The following MCM3AP variants were observed in gnomAD, a reference collection of about 807,000 sequenced individuals.
The protein encoded by MCM3AP is minichromosome maintenance complex component 3 associated protein.
A neutral mutation model predicts 184.1 loss-of-function variants in MCM3AP; 126 were observed. The ratio of observed to expected loss-of-function variants is 0.68; its 90% CI spans 0.59 to 0.79. The LOEUF (loss-of-function observed/expected upper bound fraction) is 0.79, where lower values mean the gene tolerates loss of function less well. Ranked by LOEUF, MCM3AP falls within the 30% of genes least tolerant of loss-of-function variation. The probability of loss-of-function intolerance (pLI) is 0.00; values close to 1 mark genes in which losing one functional copy is unlikely to be tolerated. For synonymous variants in MCM3AP, 1,002 were observed against 979.3 expected (o/e 1.02, Z -0.43); for missense variants, 2,496 against 2,479.2 (o/e 1.01, Z -0.14).
At chr21:46,278,962 G>A (rs2145712484) in intron 4 of MCM3AP, among the ~76,000 whole-genome samples, 1 of 146,438 alleles carries the variant, frequency 6.8e-6, no homozygotes, top group Non-Finnish European at 1.5e-5. Context: ...CGTGAGCACT[G>A]CGCCCGGCCA....
chr21:46,255,758 AAGGGCAG>A (rs903204273), intron 17 of MCM3AP, among the ~76,000 whole-genome samples: 4 of 151,952 alleles, frequency 2.6e-5, no homozygotes, highest in South Asian at 2.1e-4. Flanking sequence ...GGGTGCGCAG[AAGGGCAG>A]AGGGCAGAGG....
chr21:46,237,803 TA>T (rs201350314), intron 26 of MCM3AP, among the ~76,000 whole-genome samples: 18 of 108,244 alleles, frequency 1.7e-4, no homozygotes, highest in East Asian at 2.4e-4. Context: ...AAGCTTAATT[TA>T]AAAAAAAAAA....
chr21:46,254,928 G>A, intron 17 of MCM3AP, 84 bp from the exon 18 acceptor site: 2 of 972,558 alleles, frequency 2.1e-6, no homozygotes, highest in Non-Finnish European at 3.3e-6. Context: ...ATACTCAGGA[G>A]ACTGAAAAAC....
chr21:46,257,152 T>C (rs1379737044), intron 16 of MCM3AP, among the ~76,000 whole-genome samples, 166 bp from the exon 17 acceptor site: 2 of 152,228 alleles, frequency 1.3e-5, no homozygotes, highest in African/African-American at 4.8e-5. Flanking sequence ...CTTTGGAGGC[T>C]GACTTGGCAA....
Position 46,266,041 on chromosome 21 carries a change from G to A in MCM3AP, c.2915C>T (p.Pro972Leu). 1 of 1,612,250 alleles carries A rather than the reference G, an allele frequency of 6.2e-7. No homozygotes were observed. Among genetic ancestry groups the A allele is most frequent in the Non-Finnish European group, 8.5e-7 (1 of 1,179,258 alleles). ...VGEIVNGGPLPPVPRHTPVCS... is the reference protein window; with the variant it reads ...VGEIVNGGPLLPVPRHTPVCS... Reference sequence around the variant, plus strand: ...CACAGGGGTATGACGAGGGACGGGGGGCAATGGCCCTCCGTTCACAATTTC... The same window carrying A: ...CACAGGGGTATGACGAGGGACGGGGAGCAATGGCCCTCCGTTCACAATTTC... The change falls in exon 11 of 28, where the codon CCC (proline) becomes CTC (leucine). Residue 972 changes from proline (P) to leucine (L), a missense_variant. Coordinates refer to ENST00000291688, the MANE Select transcript of MCM3AP (RefSeq NM_003906.5).
chr21:46,282,935 C>CT (rs960816913), intron 2 of MCM3AP, among the ~76,000 whole-genome samples: 5 of 151,080 alleles, frequency 3.3e-5, no homozygotes, highest in Admixed American at 6.6e-5. Flanking sequence ...TTTTCTTTTT[C>CT]TTTTTTTTGA....
chr21:46,282,620 C>T (rs1158542543), intron 2 of MCM3AP, among the ~76,000 whole-genome samples: 1 of 151,916 alleles, frequency 6.6e-6, no homozygotes, highest in African/African-American at 2.4e-5. Flanking sequence ...CTGGCTGACA[C>T]AGTGAAAGCC....
intron 13 of MCM3AP, 97 bp downstream of exon 13, chr21:46,264,020 C>T (rs2081075457): frequency 1.4e-6 from 1 of 732,314 alleles, no homozygotes; most frequent in Non-Finnish European, 2.3e-6. Flanking sequence ...GATTATGACT[C>T]CAAAAACGCA....
chr21:46,251,881 CTTTTTTTT>C (rs754670172), intron 19 of MCM3AP, 199 bp from the exon 20 acceptor site: 17 of 127,754 alleles, frequency 1.3e-4, no homozygotes, highest in Middle Eastern at 4.5e-3. Context: ...TGTACTCGTT[CTTTTTTTT>C]TTTTTTTTTT....
chr21:46,265,037 G>A (rs911604325), intron 12 of MCM3AP, among the ~76,000 whole-genome samples: 21 of 152,378 alleles, frequency 1.4e-4, no homozygotes, highest in Admixed American at 3.3e-4. Context: ...CCATCAGGGG[G>A]CGCACAATGC....
chr21:46,241,340 G>T, intron 25 of MCM3AP: 1 of 239,102 alleles, frequency 4.2e-6, no homozygotes, highest in Non-Finnish European at 8.2e-6. Flanking sequence ...TTCATGTCTT[G>T]CTTCCCACCC....
At chr21:46,235,468 A>G (rs2080504811) in intron 27 of MCM3AP, 42 bp from the exon 28 acceptor site, 1 of 1,552,722 alleles carries the variant, frequency 6.4e-7, no homozygotes, top group Non-Finnish European at 8.9e-7. Flanking sequence ...TGGGATGTCA[A>G]TAAACCACGA....
At chr21:46,271,308 A>G (rs1015040640) in intron 8 of MCM3AP, among the ~76,000 whole-genome samples, 1 of 149,388 alleles carries the variant, frequency 6.7e-6, no homozygotes, top group African/African-American at 2.5e-5. Context: ...ATAACAGGCC[A>G]TGGGCCACCA....
At chr21:46,257,070 G>T in intron 16 of MCM3AP, 84 bp from the exon 17 acceptor site, 1 of 1,508,182 alleles carries the variant, frequency 6.6e-7, no homozygotes, top group East Asian at 2.5e-5. Context: ...CTCAGGCATG[G>T]GGAAGGAAGG....
intron 8 of MCM3AP, 73 bp downstream of exon 8, chr21:46,272,488 C>A: frequency 6.8e-7 from 1 of 1,470,030 alleles, no homozygotes; most frequent in South Asian, 1.3e-5. Flanking sequence ...ACTGCCACTC[C>A]TGAAAGCTCT....
chr21:46,280,250 G>T, intron 3 of MCM3AP, 113 bp from the exon 4 acceptor site: 1 of 1,220,814 alleles, frequency 8.2e-7, no homozygotes, highest in Non-Finnish European at 1.2e-6. Flanking sequence ...CAGGAGGTTA[G>T]AGAAGAGCCC....
chr21:46,256,580 T>C (rs920676909), intron 17 of MCM3AP: 1 of 603,250 alleles, frequency 1.7e-6, no homozygotes, highest in East Asian at 2.8e-5. Context: ...GAGCTCTGCT[T>C]TGCCAGTGGA....
In MCM3AP at chr21:46,284,155, G is replaced by C. The variant is rs371419596; in HGVS notation, c.1132C>G (p.Pro378Ala). The C allele has an allele frequency of 4.8e-5, 77 of 1,614,130 alleles. No homozygotes were observed. The African/African-American group carries it at 8.5e-4, about 18-fold the overall frequency. The change falls in exon 1 of 28, where the codon CCA (proline) becomes GCA (alanine). Residue 378 changes from proline to alanine, a missense_variant. Coordinates refer to ENST00000291688, the MANE Select transcript of MCM3AP (RefSeq NM_003906.5). Reference protein sequence around the residue: ...ESAESDHMAIPGGNQSVLAPS... With the variant: ...ESAESDHMAIAGGNQSVLAPS... ...GCCAGGACAGACTGATTCCCTCCTG[G>C]GATAGCCATGTGGTCACTTTCTGCA... is the stretch of plus-strand genomic sequence containing the variant.
At chr21:46,241,687 A>T (rs1034923227) in intron 25 of MCM3AP, 3 of 152,490 alleles carry the variant, frequency 2.0e-5, no homozygotes, top group Non-Finnish European at 2.9e-5. Context: ...ATATTTGTTT[A>T]TCCTGATGAA....
Sources: gnomAD v4.1 joint callset for allele counts (sites outside exome capture counted in the v4.1 genomes callset) on GRCh38, gnomAD v4.1.1 for gene constraint, MANE v1.5 for transcripts, NCBI Gene and HGNC (gene_info 2026-07-23, HGNC 2026-07-21) for gene names.